The following SYT17 variants were observed in gnomAD, a reference collection of about 807,000 sequenced individuals.
The protein encoded by SYT17 is synaptotagmin 17.
SYT17 carries 22 observed loss-of-function variants against 46.7 expected under a neutral mutation model. That is an observed-to-expected ratio of 0.47 (90% CI 0.34 to 0.67). SYT17 has a LOEUF of 0.67. SYT17 is among the 30% of genes least tolerant of loss of function. SYT17 has a pLI of 0.01. For missense variants in SYT17, 519 were observed against 612.8 expected, an observed-to-expected ratio of 0.85 and a Z score of 1.62; for synonymous variants, 251 against 248.4, an observed-to-expected ratio of 1.01 and a Z score of -0.10.
chr16:19,225,272 A>G (rs1174656902), intron 7 of SYT17, among the ~76,000 whole-genome samples: 1 of 152,174 alleles, frequency 6.6e-6, no homozygotes, highest in East Asian at 1.9e-4. Context: ...AGTTCCCTGC[A>G]GTCAAATAGA....
At chr16:19,215,789 T>C (rs1437089784) in intron 5 of SYT17, among the ~76,000 whole-genome samples, 1 of 152,220 alleles carries the variant, frequency 6.6e-6, no homozygotes, top group East Asian at 1.9e-4. Flanking sequence ...AAGACATACC[T>C]GAGACTAGGC....
chr16:19,222,409 A>G (rs1157484586), intron 5 of SYT17, among the ~76,000 whole-genome samples: 1 of 152,094 alleles, frequency 6.6e-6, no homozygotes, highest in Non-Finnish European at 1.5e-5. Flanking sequence ...AGTGTGACAG[A>G]GCTGACATCA....
chr16:19,246,902 A>C (rs553091736), intron 7 of SYT17, among the ~76,000 whole-genome samples: 5 of 152,364 alleles, frequency 3.3e-5, no homozygotes, highest in East Asian at 1.9e-4. Flanking sequence ...GGCAATAAAC[A>C]AAACAAATAA....
intron 7 of SYT17, among the ~76,000 whole-genome samples, chr16:19,248,146 A>C (rs903530588): frequency 1.3e-5 from 2 of 152,208 alleles, no homozygotes; most frequent in Non-Finnish European, 2.9e-5. Context: ...CAGTCAACAG[A>C]AATGCAAATT....
intron 2 of SYT17, 195 bp from the exon 3 acceptor site, chr16:19,173,235 C>T: frequency 1.8e-6 from 1 of 564,834 alleles, no homozygotes; most frequent in Non-Finnish European, 3.1e-6. Flanking sequence ...TATCTTTGTG[C>T]CTGCAGTTGG....
chr16:19,261,734 G>T (rs1968990232), intron 7 of SYT17, among the ~76,000 whole-genome samples: 1 of 152,156 alleles, frequency 6.6e-6, no homozygotes, highest in Non-Finnish European at 1.5e-5. Flanking sequence ...TTAACAAAAA[G>T]ATTGTGCTTA....
intron 3 of SYT17, among the ~76,000 whole-genome samples, chr16:19,175,355 A>T (rs1429166303): frequency 6.6e-6 from 1 of 152,040 alleles, no homozygotes; most frequent in Non-Finnish European, 1.5e-5. Context: ...CAACTCATTA[A>T]TCAAGAGATA....
chr16:19,213,643 G>A (rs993754099), intron 5 of SYT17, among the ~76,000 whole-genome samples: 2 of 152,116 alleles, frequency 1.3e-5, no homozygotes, highest in East Asian at 3.9e-4. Flanking sequence ...CTGAGTATCT[G>A]GGACCACAGA....
chr16:19,208,685 C>A (rs375821843), intron 5 of SYT17, among the ~76,000 whole-genome samples: 1 of 151,964 alleles, frequency 6.6e-6, no homozygotes, highest in Non-Finnish European at 1.5e-5. Context: ...CTGTACCAGG[C>A]CTCTGTCACA....
intron 5 of SYT17, among the ~76,000 whole-genome samples, chr16:19,220,013 C>T (rs1042748151): frequency 6.6e-6 from 1 of 152,176 alleles, no homozygotes; most frequent in East Asian, 1.9e-4. Flanking sequence ...GGGTCATGCC[C>T]TAAAGACACC....
chr16:19,247,616 G>T lies in SYT17; in HGVS notation c.1229-19264G>T, dbSNP rs145078232. On this transcript the variant is annotated intron_variant, in intron 7 of 7. Coordinates refer to ENST00000355377, the MANE Select transcript of SYT17 (RefSeq NM_016524.4). Reference sequence around the variant, plus strand: ...TAGGAAAATGTTTTAGCTCAGGGAGGTCCCAACTCCTTGCCCCGCAGAAGA... The same window carrying T: ...TAGGAAAATGTTTTAGCTCAGGGAGTTCCCAACTCCTTGCCCCGCAGAAGA... 3.3e-5 allele frequency among the ~76,000 whole-genome samples: 5 copies of T among 152,274 alleles called. No individual in the cohort carries two copies. In the East Asian group the frequency reaches 7.7e-4, roughly 24 times the overall value.
At chr16:19,223,491 C>T (rs1223555565) in intron 6 of SYT17, among the ~76,000 whole-genome samples, 6 of 152,156 alleles carry the variant, frequency 3.9e-5, no homozygotes, top group Admixed American at 1.3e-4. Flanking sequence ...GAGGACACAC[C>T]CTAAGGTTTT....
intron 7 of SYT17, among the ~76,000 whole-genome samples, chr16:19,255,024 G>A (rs189766943): frequency 1.3e-4 from 20 of 152,268 alleles, no homozygotes; most frequent in African/African-American, 4.6e-4. Flanking sequence ...AGCCAAAGCA[G>A]CATTTCTCCG....
chr16:19,195,248 A>G (rs1390260023), intron 5 of SYT17, among the ~76,000 whole-genome samples: 1 of 152,230 alleles, frequency 6.6e-6, no homozygotes, highest in Non-Finnish European at 1.5e-5. Flanking sequence ...TGAGGCATGC[A>G]TTAAGCAACC....
rs1181297184 is a variant in SYT17, at chr16:19,267,671, T to C, written c.*595T>C. On this transcript the variant is annotated 3_prime_UTR_variant, in exon 8 of 8. Coordinates refer to ENST00000355377, the MANE Select transcript of SYT17 (RefSeq NM_016524.4). The stretch of plus-strand genomic sequence containing the variant: ...GGAGAAACCAAATGGCAACCAAAAC[T>C]ATTCCAGTGTCAGAAGCCTTTCCTG... 6.6e-6 allele frequency: 1 copy of C among 152,276 alleles called. No homozygotes were observed. Among genetic ancestry groups the C allele is most frequent in the Non-Finnish European group, 1.5e-5 (1 of 68,066 alleles). The allele number at this position is 152,276 out of a possible 1,614,324, so 9.4% of individuals were successfully genotyped here.
chr16:19,224,597 A>T, intron 6 of SYT17, 86 bp from the exon 7 acceptor site: 2 of 1,452,166 alleles, frequency 1.4e-6, no homozygotes, highest in Non-Finnish European at 1.9e-6. Flanking sequence ...AAAAAGACAG[A>T]TGGATGGGAG....
chr16:19,197,442 GTTTGTTA>G (rs1025852928), intron 5 of SYT17, among the ~76,000 whole-genome samples: 32 of 146,032 alleles, frequency 2.2e-4, no homozygotes, highest in African/African-American at 7.1e-4. Context: ...TTGTTTGTTT[GTTTGTTA>G]TTATTATTAT....
chr16:19,216,538 C>G (rs974522954), intron 5 of SYT17, among the ~76,000 whole-genome samples: 7 of 152,092 alleles, frequency 4.6e-5, no homozygotes, highest in African/African-American at 1.7e-4. Context: ...CCTTAGCCCC[C>G]CAACCCCCAA....
chr16:19,221,496 G>A (rs1465820989), intron 5 of SYT17, among the ~76,000 whole-genome samples: 1 of 152,164 alleles, frequency 6.6e-6, no homozygotes, highest in African/African-American at 2.4e-5. Context: ...GTGATGTGGG[G>A]CAAACAAAAT....
Sources: gnomAD v4.1 joint callset for allele counts (sites outside exome capture counted in the v4.1 genomes callset) on GRCh38, gnomAD v4.1.1 for gene constraint, MANE v1.5 for transcripts, NCBI Gene and HGNC (gene_info 2026-07-23, HGNC 2026-07-21) for gene names.